OXR1: variants seen among roughly 807,000 people sequenced by gnomAD.
OXR1 encodes the protein oxidation resistance protein 1.
OXR1 carries 41 observed loss-of-function variants against 104.6 expected under a neutral mutation model. The ratio of observed to expected loss-of-function variants is 0.39; its 90% confidence interval spans 0.31 to 0.51. The LOEUF is 0.51. Among genes scored for constraint, OXR1 ranks in the 20% least tolerant of loss-of-function variants. OXR1 has a pLI of 0.77. For synonymous variants in OXR1, 348 were observed against 348.4 expected, an observed-to-expected ratio of 1.00 and a Z score of 0.01; for missense variants, 955 against 1,031.9, an observed-to-expected ratio of 0.93 and a Z score of 1.02.
At chr8:106,598,833 G>T (rs1407624493) in intron 3 of OXR1, among the ~76,000 whole-genome samples, 1 of 152,088 alleles carries the variant, frequency 6.6e-6, no homozygotes, top group Non-Finnish European at 1.5e-5. Flanking sequence ...ACAAGTGAGG[G>T]ATATTTTGCC....
chr8:106,681,328 T>A (rs971189553), intron 4 of OXR1, among the ~76,000 whole-genome samples: 1 of 152,124 alleles, frequency 6.6e-6, no homozygotes, highest in Non-Finnish European at 1.5e-5. Flanking sequence ...ATGGGGAAGT[T>A]TGCATAGAAG....
chr8:106,618,315 G>A, intron 3 of OXR1: 1 of 778,908 alleles, frequency 1.3e-6, no homozygotes, highest in South Asian at 1.5e-5. Context: ...TGACGATGCA[G>A]TTGGAGGTTC....
At chr8:106,447,881 C>G (rs1432544477) in intron 2 of OXR1, 1 of 1,486,986 alleles carries the variant, frequency 6.7e-7, no homozygotes, top group African/African-American at 1.4e-5. Context: ...ACTAGCCCCA[C>G]CCCCCAACAG....
intron 2 of OXR1, among the ~76,000 whole-genome samples, chr8:106,447,643 C>A (rs1420208534): frequency 6.6e-6 from 1 of 152,098 alleles, no homozygotes; most frequent in Admixed American, 6.5e-5. Flanking sequence ...ACTTGTGTTC[C>A]TTGGTTAAAA....
intron 11 of OXR1, chr8:106,720,856 T>G (rs1055708372): frequency 2.5e-5 from 4 of 161,012 alleles, no homozygotes; most frequent in South Asian, 2.0e-4. Context: ...CTTAAAGGAG[T>G]GACCACCACA....
Position 106,357,694 on chromosome 8 carries a change from G to A in OXR1, c.-138-1782G>A, listed in dbSNP as rs1816034202. ...GTATCATTAATACTAATAGTAATAG[G>A]GCACGAGAAATATTTTGTTTGCTTA... On this transcript the variant is annotated intron_variant, in intron 1 of 16. Coordinates refer to ENST00000517566, the MANE Select transcript of OXR1 (RefSeq NM_001198533.2). 2.6e-5 allele frequency among the ~76,000 whole-genome samples: 4 copies of A among 151,840 alleles called. No individual in the cohort carries two copies. The South Asian group carries it at 8.4e-4, about 32-fold the overall frequency.
At chr8:106,352,338 G>A (rs1294179667) in intron 1 of OXR1, among the ~76,000 whole-genome samples, 2 of 152,180 alleles carry the variant, frequency 1.3e-5, no homozygotes, top group South Asian at 2.1e-4. Context: ...TCTCCAAGAA[G>A]CAGTAATGTC....
intron 3 of OXR1, among the ~76,000 whole-genome samples, chr8:106,576,482 A>AG (rs1259098209): frequency 0.038 from 5,512 of 144,720 alleles, 299 homozygotes; most frequent in African/African-American, 0.12. Flanking sequence ...AAAAAAAAAA[A>AG]AAAGAAAACA....
At chr8:106,289,937 C>T (rs1420445404) in intron 1 of OXR1, among the ~76,000 whole-genome samples, 6 of 152,146 alleles carry the variant, frequency 3.9e-5, no homozygotes, top group Admixed American at 3.9e-4. Context: ...GGCACTTCTC[C>T]TTGCTACTGC....
chr8:106,581,853 G>T (rs147423502), intron 3 of OXR1, among the ~76,000 whole-genome samples: 251 of 151,688 alleles, frequency 1.7e-3, no homozygotes, highest in Non-Finnish European at 2.8e-3. Flanking sequence ...GAGAAACCCT[G>T]TCTCTATTAA....
intron 2 of OXR1, among the ~76,000 whole-genome samples, chr8:106,374,053 T>C (rs17337119): frequency 0.34 from 52,312 of 152,096 alleles, 10,723 homozygotes; most frequent in Non-Finnish European, 0.43. Context: ...GGCACTTAGG[T>C]TGGTAGATTC....
chr8:106,598,771 A>AAATTTTAGT (rs1819717989), intron 3 of OXR1, among the ~76,000 whole-genome samples: 1 of 152,238 alleles, frequency 6.6e-6, no homozygotes, highest in Non-Finnish European at 1.5e-5. Flanking sequence ...ATTCAGGATG[A>AAATTTTAGT]AATTTTAGTG....
rs1219517076 is a variant in OXR1, at chr8:106,692,819, A to T, written c.617A>T (p.Glu206Val). The T allele has an allele frequency of 6.2e-7, 1 of 1,606,064 alleles. No homozygotes were observed. The highest frequency in any genetic ancestry group is 2.2e-5 in the East Asian group (1 of 44,688). Reference sequence around the variant, plus strand: ...GTTGTATCTTCAACTTCTGAGGAGGAGGAAGCATTTACTGAGAAATTTCTT... The same window carrying T: ...GTTGTATCTTCAACTTCTGAGGAGGTGGAAGCATTTACTGAGAAATTTCTT... Reference protein sequence around the residue: ...ARVVSSTSEEEEAFTEKFLKI... With the variant: ...ARVVSSTSEEVEAFTEKFLKI... Residue 206 changes from glutamate to valine, a missense_variant, in exon 7 of 17, where the codon GAG becomes GTG. By Grantham distance (121) the Glu-to-Val change is moderately radical (BLOSUM62 -2). Around this residue, in one of 2 missense-constraint regions of OXR1, gnomAD observed 849 missense variants for 852.9 expected, o/e 1.00. Coordinates refer to ENST00000517566, the MANE Select transcript of OXR1 (RefSeq NM_001198533.2).
intron 3 of OXR1, among the ~76,000 whole-genome samples, chr8:106,591,525 C>G (rs777936550): frequency 3.3e-5 from 5 of 151,778 alleles, no homozygotes; most frequent in Non-Finnish European, 7.4e-5. Context: ...AACTCTTACT[C>G]TTAGAAAAAT....
At chr8:106,656,369 T>G (rs1825072538) in intron 3 of OXR1, 1 of 152,312 alleles carries the variant, frequency 6.6e-6, no homozygotes, top group Non-Finnish European at 1.5e-5. Context: ...TATCCTCCTG[T>G]GGCAGAAAGA....
intron 11 of OXR1, among the ~76,000 whole-genome samples, chr8:106,719,198 A>G (rs1026969462): frequency 1.3e-5 from 2 of 152,188 alleles, no homozygotes; most frequent in Non-Finnish European, 2.9e-5. Flanking sequence ...GTTTTTTGAT[A>G]CAGATTTTTT....
chr8:106,732,141 T>C (rs769837727), intron 11 of OXR1, among the ~76,000 whole-genome samples: 2 of 152,162 alleles, frequency 1.3e-5, no homozygotes, highest in Non-Finnish European at 2.9e-5. Context: ...ATTATGCTAA[T>C]ATAAATGGTA....
chr8:106,278,886 G>A (rs1034713693), intron 1 of OXR1, among the ~76,000 whole-genome samples: 2 of 152,116 alleles, frequency 1.3e-5, no homozygotes, highest in African/African-American at 4.8e-5. Flanking sequence ...TAGCTTTCAG[G>A]CTACTATAAA....
intron 3 of OXR1, among the ~76,000 whole-genome samples, chr8:106,670,890 A>AC (rs929180429): frequency 6.6e-6 from 1 of 151,886 alleles, no homozygotes; most frequent in African/African-American, 2.4e-5. Context: ...CTCTACTAAA[A>AC]ATATAAAAAT....
Sources: gnomAD v4.1 joint callset for allele counts (sites outside exome capture counted in the v4.1 genomes callset) on GRCh38, gnomAD v4.1.1 for gene constraint, gnomAD v4.1.1 regional missense constraint, MANE v1.5 for transcripts, NCBI Gene and HGNC (gene_info 2026-07-23, HGNC 2026-07-21) for gene names.